The following KCNAB2 variants were observed in gnomAD, a reference collection of about 807,000 sequenced individuals.
KCNAB2 encodes potassium voltage-gated channel subfamily A regulatory beta subunit 2.
Under a neutral mutation model 63.6 loss-of-function variants are expected in KCNAB2, and 29 were observed. That is an observed-to-expected ratio of 0.46 (90% confidence interval 0.34 to 0.62). The LOEUF (loss-of-function observed/expected upper bound fraction) is 0.62. Ranked by LOEUF, KCNAB2 falls within the 20% of genes least tolerant of loss-of-function variation. The pLI, the probability that KCNAB2 is intolerant of heterozygous loss-of-function variation, is 0.01. For synonymous variants in KCNAB2, 222 were observed against 224.2 expected, an observed-to-expected ratio of 0.99 and a Z score of 0.09; for missense variants, 359 against 563.9, an observed-to-expected ratio of 0.64 and a Z score of 3.68.
chr1:6,047,527 C>A (rs918480893), intron 1 of KCNAB2, among the ~76,000 whole-genome samples: 1 of 152,152 alleles, frequency 6.6e-6, no homozygotes, highest in African/African-American at 2.4e-5. Flanking sequence ...CCCCCCCACA[C>A]AAGAGAGGGT....
intron 2 of KCNAB2, among the ~76,000 whole-genome samples, chr1:6,061,719 A>G (rs766522231): frequency 2.0e-4 from 30 of 152,236 alleles, no homozygotes; most frequent in Non-Finnish European, 4.1e-4. Flanking sequence ...ACAGATTATA[A>G]CGGAATATAA....
chr1:6,041,684 G>T, upstream of KCNAB2: 1 of 684,102 alleles, frequency 1.5e-6, no homozygotes, highest in Non-Finnish European at 2.6e-6. Flanking sequence ...CTCAGAGACT[G>T]CCCTGAGCAG....
rs1659035818 is a variant in KCNAB2, at chr1:6,024,713, C to G, written c.-52-15804C>G. Among the ~76,000 whole-genome samples, 1 of 152,108 alleles carries G rather than the reference C, an allele frequency of 6.6e-6. No homozygotes were observed. The highest frequency in any genetic ancestry group is 1.5e-5 in the Non-Finnish European group (1 of 68,038). ...CAGGGCAACATCTCCGTGCTGGGGGCCAAGAGGATAACGGCTGTTCTCTGG... is the reference window on the plus strand; with the variant it reads ...CAGGGCAACATCTCCGTGCTGGGGGGCAAGAGGATAACGGCTGTTCTCTGG... On this transcript the variant is annotated intron_variant, in intron 1 of 16. Coordinates refer to the KCNAB2 transcript ENST00000341524. This position sits in a 1 kb window ranked among gnomAD's most constrained non-coding sequence, Gnocchi z 5.4.
At chr1:6,046,637 G>A (rs1660950537) in intron 1 of KCNAB2, among the ~76,000 whole-genome samples, 1 of 152,218 alleles carries the variant, frequency 6.6e-6, no homozygotes, top group Non-Finnish European at 1.5e-5. Flanking sequence ...TGCTTGTTTG[G>A]GCCTCAGTTT....
Position 6,087,634 on chromosome 1 carries a change from A to G in KCNAB2, c.470+123A>G, listed in dbSNP as rs940166437. 5 of 1,027,170 alleles carry G rather than the reference A, an allele frequency of 4.9e-6. No homozygotes were observed. Among genetic ancestry groups the G allele is most frequent in the Admixed American group, 3.8e-5 (2 of 53,158 alleles). The allele number at this position is 1,027,170 out of a possible 1,614,324, so 63.6% of individuals were successfully genotyped here. On this transcript the variant is annotated intron_variant, in intron 7 of 15. Transcript: ENST00000378083. The surrounding 1 kb of genome is among the most constrained non-coding windows in gnomAD (Gnocchi z 6.4). ...GGAGGACAGTCCTCCTTGAGAAGGGAGAGTGGTCGGGGTCTGTCCTGGACA... is the reference window on the plus strand; with the variant it reads ...GGAGGACAGTCCTCCTTGAGAAGGGGGAGTGGTCGGGGTCTGTCCTGGACA...
In KCNAB2 at chr1:5,994,090, C is replaced by G. The variant is rs118000284; in HGVS notation, c.-53+1302C>G. ...AATTAATACATCCACATCCGAGGAG[C>G]AAGAACACCAAGTTCAGGCCACAGC... is the stretch of plus-strand genomic sequence containing the variant. On this transcript the variant is annotated intron_variant, in intron 1 of 16. Transcript: ENST00000341524. The surrounding 1 kb of genome is among the most constrained non-coding windows in gnomAD (Gnocchi z 5.4). Among the ~76,000 whole-genome samples, 82 of 152,306 alleles carry G rather than the reference C, an allele frequency of 5.4e-4. 1 individual carries two copies. In the East Asian group the frequency reaches 0.015, roughly 27 times the overall value.
intron 2 of KCNAB2, among the ~76,000 whole-genome samples, chr1:6,067,261 G>A (rs570115978): frequency 6.6e-6 from 1 of 152,330 alleles, no homozygotes; most frequent in African/African-American, 2.4e-5. Flanking sequence ...CAGGTTTCCT[G>A]GGAAAGTTTT....
At chr1:5,995,523 G>A (rs1263966948) in intron 1 of KCNAB2, among the ~76,000 whole-genome samples, 2 of 152,238 alleles carry the variant, frequency 1.3e-5, no homozygotes, top group Non-Finnish European at 2.9e-5. Context: ...TCACTGGAGG[G>A]GCTTTTGGGA....
At chr1:6,095,948 C>G (rs1665597706) in intron 13 of KCNAB2, among the ~76,000 whole-genome samples, 1 of 147,392 alleles carries the variant, frequency 6.8e-6, no homozygotes, top group Admixed American at 6.7e-5. Flanking sequence ...GCCCAGCATT[C>G]AGAACTCTGA....
rs200136002 is a variant in KCNAB2, at chr1:6,098,607, G to A, written c.*33G>A. The stretch of plus-strand genomic sequence containing the variant: ...CCGCCCGCCTGCTCGGACAGTTTCC[G>A]TTCCCTCCTAGTCTCTGTTCGCTCG... On this transcript the variant is annotated 3_prime_UTR_variant, in exon 16 of 16. Transcript: ENST00000378083. 159 of 1,608,292 alleles carry A rather than the reference G, an allele frequency of 9.9e-5. No individual in the cohort carries two copies. The highest frequency in any genetic ancestry group is 1.2e-4 in the Non-Finnish European group (145 of 1,176,916).
intron 6 of KCNAB2, 121 bp downstream of exon 6, chr1:6,085,369 C>A: frequency 1.2e-6 from 1 of 856,786 alleles, no homozygotes; most frequent in South Asian, 1.5e-5. Flanking sequence ...ATCTTTCTTG[C>A]TGGGAAGTGG....
chr1:6,073,728 T>C lies in KCNAB2; in HGVS notation c.263-5T>C, dbSNP rs776689105. On this transcript the variant is annotated splice_region_variant and splice_polypyrimidine_tract_variant and intron_variant, in intron 3 of 15. Coordinates refer to ENST00000378083, the MANE Select transcript of KCNAB2 (RefSeq NM_001199862.2). This position sits in a 1 kb window ranked among gnomAD's most constrained non-coding sequence, Gnocchi z 5.7. ...CCTAACTTGAGCCCCTGTGTCTCCT[T>C]CCAGGAACATGGGTGACCTTCGGAG... 6.2e-7 allele frequency: 1 copy of C among 1,614,146 alleles called. No homozygotes were observed. The highest frequency in any genetic ancestry group is 1.7e-5 in the Admixed American group (1 of 60,032).
chr1:6,009,774 C>T (rs1301074186), intron 1 of KCNAB2, among the ~76,000 whole-genome samples: 1 of 152,174 alleles, frequency 6.6e-6, no homozygotes, highest in Non-Finnish European at 1.5e-5. Context: ...GGTGTTCCCT[C>T]TCTGTCTCTC....
intron 1 of KCNAB2, among the ~76,000 whole-genome samples, chr1:6,010,668 G>A (rs988438660): frequency 2.6e-5 from 4 of 152,314 alleles, no homozygotes; most frequent in East Asian, 1.9e-4. Context: ...GTCCCTCCTC[G>A]TCCCTGCTCA....
chr1:6,073,801 C>T lies in KCNAB2; in HGVS notation c.300+31C>T, dbSNP rs1250881169. ...ATGGGGCTCTCCCAGCACCCCAGAA[C>T]CCAGCACGGGCTCGCCAGAGCACAT... On this transcript the variant is annotated intron_variant, in intron 4 of 15. Transcript: ENST00000378083. The surrounding 1 kb of genome is among the most constrained non-coding windows in gnomAD (Gnocchi z 5.7). 2.5e-6 allele frequency: 4 copies of T among 1,611,370 alleles called. No homozygotes were observed. The highest frequency in any genetic ancestry group is 3.4e-6 in the Non-Finnish European group (4 of 1,177,722).
At chr1:6,034,249 G>C (rs1186501458), upstream of KCNAB2, 1 of 152,398 alleles carries the variant, frequency 6.6e-6, no homozygotes, top group Non-Finnish European at 1.5e-5. Context: ...GTGGACTCTG[G>C]GCCAGTCGGC....
At chr1:6,017,161 G>T (rs189976155) in intron 1 of KCNAB2, among the ~76,000 whole-genome samples, 1 of 152,194 alleles carries the variant, frequency 6.6e-6, no homozygotes, top group Admixed American at 6.5e-5. Context: ...GGCTGGGGAC[G>T]CAGGGTGCGT....
chr1:6,086,146 CTT>C lies in KCNAB2; in HGVS notation c.425+900_425+901del. 1 of 985,360 alleles carries C rather than the reference CTT, an allele frequency of 1.0e-6. No homozygotes were observed. The highest frequency in any genetic ancestry group is 1.2e-6 in the Non-Finnish European group (1 of 829,880). 61.0% of individuals were successfully genotyped at this position (985,360 alleles called of 1,614,324 possible). A position where few individuals can be genotyped will look rare whatever the true frequency, so the allele number is the denominator to read the frequency against. ...GGGCCCTGTTCCTTAATAAATGCGTCTTTATTTTCAGAAACATCAGAAGCAGT... is the reference window on the plus strand; with the variant it reads ...GGGCCCTGTTCCTTAATAAATGCGTCTATTTTCAGAAACATCAGAAGCAGT... On this transcript the variant is annotated intron_variant, in intron 6 of 15. Coordinates refer to ENST00000378083, the MANE Select transcript of KCNAB2 (RefSeq NM_001199862.2). This position sits in a 1 kb window ranked among gnomAD's most constrained non-coding sequence, Gnocchi z 4.2.
At chr1:6,062,331 C>T (rs978517485) in intron 2 of KCNAB2, among the ~76,000 whole-genome samples, 1 of 151,860 alleles carries the variant, frequency 6.6e-6, no homozygotes, top group Admixed American at 6.6e-5. Context: ...AAAAAAAGTC[C>T]AGTGTCTCTA....
Sources: gnomAD v4.1 joint callset for allele counts (sites outside exome capture counted in the v4.1 genomes callset) on GRCh38, gnomAD v4.1.1 for gene constraint, Gnocchi (gnomAD v3.1) non-coding constraint, MANE v1.5 for transcripts, NCBI Gene and HGNC (gene_info 2026-07-23, HGNC 2026-07-21) for gene names.